SMARCAL1: variants seen among roughly 807,000 people sequenced by gnomAD.
SMARCAL1 encodes SNF2 related chromatin remodeling annealing helicase 1, also known as ATP-driven annealing helicase.
SMARCAL1 carries 58 observed loss-of-function variants against 94.5 expected under a neutral mutation model. The ratio of observed to expected loss-of-function variants is 0.61; its 90% CI spans 0.50 to 0.76. The LOEUF (loss-of-function observed/expected upper bound fraction) is 0.76. SMARCAL1 is among the 30% of genes least tolerant of loss of function. The pLI, the probability that SMARCAL1 is intolerant of heterozygous loss-of-function variation, is 0.00. For synonymous variants in SMARCAL1, 422 were observed against 455.1 expected (o/e 0.93, Z 0.93); for missense variants, 1,051 against 1,177.9 (o/e 0.89, Z 1.58).
chr2:216,474,702 G>C (rs1695034909), intron 14 of SMARCAL1, among the ~76,000 whole-genome samples: 1 of 152,006 alleles, frequency 6.6e-6, no homozygotes, highest in South Asian at 2.1e-4. Flanking sequence ...GTTGCCGTGA[G>C]CCAAGATCGT....
rs758387639 is a variant in SMARCAL1 at position 216,415,497 on chromosome 2, C to G, written c.793C>G (p.Leu265Val). Residue 265 changes from leucine to valine, a missense_variant, in exon 3 of 18, where the codon CTG becomes GTG. Physicochemically the swap from Leu to Val is conservative, Grantham distance 32. This residue lies in a region of SMARCAL1 where 398 missense variants were observed against 395.2 expected (regional missense o/e 1.01). Coordinates refer to ENST00000357276, the MANE Select transcript of SMARCAL1 (RefSeq NM_014140.4). Reference protein sequence around the residue: ...NAELIAVFKTLPSKNYDPDTK... With the variant: ...NAELIAVFKTVPSKNYDPDTK... ...GGAACTCATTGCAGTGTTTAAGACC[C>G]TGCCCAGCAAGAATTATGGTAATGT... 6.2e-7 allele frequency: 1 copy of G among 1,613,198 alleles called. No homozygotes were observed. Among genetic ancestry groups the G allele is most frequent in the South Asian group, 1.1e-5 (1 of 91,018 alleles).
intron 7 of SMARCAL1, among the ~76,000 whole-genome samples, chr2:216,430,778 G>A (rs376591425): frequency 1.3e-5 from 2 of 152,226 alleles, no homozygotes; most frequent in African/African-American, 2.4e-5. Flanking sequence ...CTCAAAGGGC[G>A]TGGGGCTCTC....
intron 10 of SMARCAL1, 75 bp from the exon 11 acceptor site, chr2:216,446,943 C>A: frequency 6.3e-7 from 1 of 1,588,322 alleles, no homozygotes; most frequent in East Asian, 2.2e-5. Context: ...CAGCTCCTCC[C>A]TCACTGGGGC....
At position 216,420,385 on chromosome 2, in the gene SMARCAL1, G is replaced by A. The variant is rs1431549731; in HGVS notation, c.949G>A (p.Glu317Lys). 6 of 1,614,106 alleles carry A rather than the reference G, an allele frequency of 3.7e-6. No individual in the cohort carries two copies. The highest frequency in any genetic ancestry group is 1.1e-5 in the South Asian group (1 of 91,092). ...GSSESPSTSS[E>K]GQAGLPSAPS... ...CAGCGAGTCACCCTCCACCAGCAGT[G>A]AGGGACAGGCCGGCCTTCCATCAGC... The change falls in exon 5 of 18, where the codon GAG becomes AAG. Residue 317 changes from glutamate (E) to lysine (K), a missense_variant. Physicochemically the swap from Glu to Lys is moderately conservative, Grantham distance 56. Around this residue, in one of 3 missense-constraint regions of SMARCAL1, gnomAD observed 398 missense variants for 395.2 expected, o/e 1.01. Transcript: ENST00000357276.
intron 10 of SMARCAL1, among the ~76,000 whole-genome samples, chr2:216,438,991 G>T (rs1274718832): frequency 6.6e-6 from 1 of 152,160 alleles, no homozygotes; most frequent in Non-Finnish European, 1.5e-5. Context: ...CTGAGCAAGG[G>T]CTGGCGGGGT....
At chr2:216,426,257 C>A (rs1693831938) in intron 6 of SMARCAL1, among the ~76,000 whole-genome samples, 1 of 152,208 alleles carries the variant, frequency 6.6e-6, no homozygotes, top group Admixed American at 6.5e-5. Context: ...GCTATAAAGT[C>A]TTTGACTTTT....
At position 216,450,968 on chromosome 2, in the gene SMARCAL1, G is replaced by T. The variant is rs1694437827; in HGVS notation, c.1974G>T (p.Gln658His). ...SDVLSQLPAKQRKIVVIAPGR... is the reference protein window; with the variant it reads ...SDVLSQLPAKHRKIVVIAPGR... ...TCCTTTCCCAGCTGCCTGCCAAGCA[G>T]CGCAAGATAGTGGTGATTGCCCCAG... The change falls in exon 12 of 18, where the codon CAG becomes CAT. Residue 658 changes from glutamine (Q) to histidine (H), a missense_variant. By Grantham distance (24) the Gln-to-His change is conservative. Around this residue, in one of 3 missense-constraint regions of SMARCAL1, gnomAD observed 642 missense variants for 754.7 expected, o/e 0.85. Coordinates refer to ENST00000357276, the MANE Select transcript of SMARCAL1 (RefSeq NM_014140.4). 1 of 1,614,136 alleles carries T rather than the reference G, an allele frequency of 6.2e-7. No homozygotes were observed. Among genetic ancestry groups the T allele is most frequent in the Non-Finnish European group, 8.5e-7 (1 of 1,180,046 alleles).
At chr2:216,472,613 A>C (rs544213675) in intron 14 of SMARCAL1, among the ~76,000 whole-genome samples, 1 of 152,106 alleles carries the variant, frequency 6.6e-6, no homozygotes, top group South Asian at 2.1e-4. Flanking sequence ...CCTCTGTGAC[A>C]TACAAATAAT....
intron 12 of SMARCAL1, among the ~76,000 whole-genome samples, chr2:216,463,914 T>A (rs1347441496): frequency 1.3e-5 from 2 of 152,142 alleles, no homozygotes; most frequent in Non-Finnish European, 2.9e-5. Context: ...TGGTGGCACA[T>A]GCCTGTAAGT....
At chr2:216,470,327 A>T (rs1367542987) in intron 14 of SMARCAL1, among the ~76,000 whole-genome samples, 1 of 151,236 alleles carries the variant, frequency 6.6e-6, no homozygotes, top group Non-Finnish European at 1.5e-5. Flanking sequence ...ATTTTTTTGC[A>T]TTTTTTTAGT....
chr2:216,436,405 T>C (rs768161296), intron 9 of SMARCAL1, among the ~76,000 whole-genome samples: 2 of 152,228 alleles, frequency 1.3e-5, no homozygotes, highest in Non-Finnish European at 2.9e-5. Context: ...TACCCAGCCA[T>C]CTCTGTCAGT....
chr2:216,423,612 A>G (rs1693770956), intron 5 of SMARCAL1, 21 bp from the exon 6 acceptor site: 4 of 1,609,508 alleles, frequency 2.5e-6, no homozygotes, highest in South Asian at 1.1e-5. Context: ...CTATTTGCTT[A>G]TTTATTTCTT....
At chr2:216,430,951 G>A (rs1219807835) in intron 7 of SMARCAL1, among the ~76,000 whole-genome samples, 2 of 152,262 alleles carry the variant, frequency 1.3e-5, no homozygotes, top group Non-Finnish European at 2.9e-5. Context: ...AGAGGTGGGT[G>A]TACAGGGAGG....
chr2:216,453,116 T>G (rs1054711411), intron 12 of SMARCAL1, among the ~76,000 whole-genome samples: 1 of 152,228 alleles, frequency 6.6e-6, no homozygotes, highest in Non-Finnish European at 1.5e-5. Flanking sequence ...CACCACAGTG[T>G]TAACTCCATT....
chr2:216,443,645 C>G (rs1398189314), intron 10 of SMARCAL1, among the ~76,000 whole-genome samples: 1 of 152,136 alleles, frequency 6.6e-6, no homozygotes, highest in Non-Finnish European at 1.5e-5. Context: ...GTGACTGGAA[C>G]TTTGTTTTTT....
rs551312692 is a variant in SMARCAL1 at position 216,456,535 on chromosome 2, A to G, written c.2070+5471A>G. Among the ~76,000 whole-genome samples, 957 of 115,488 alleles carry G rather than the reference A, an allele frequency of 8.3e-3. 8 individuals are homozygous for G. Among genetic ancestry groups the G allele is most frequent in the Non-Finnish European group, 0.011 (658 of 57,236 alleles). The allele number at this position is 115,488 out of a possible 152,430, so 75.8% of individuals were successfully genotyped here. A position where few individuals can be genotyped will look rare whatever the true frequency, so the allele number is the denominator to read the frequency against. ...TACAAGCCAGAAGAGAGTGGGGGCC[A>G]ATATTCAACATTCTTAAGAAAAGAA... On this transcript the variant is annotated intron_variant, in intron 12 of 17. Transcript: ENST00000357276.
intron 9 of SMARCAL1, 64 bp downstream of exon 9, chr2:216,435,560 T>C (rs1694063672): frequency 7.0e-7 from 1 of 1,431,226 alleles, no homozygotes; most frequent in East Asian, 2.3e-5. Context: ...GTAAAAGCTC[T>C]GAGAACTTTC....
intron 5 of SMARCAL1, among the ~76,000 whole-genome samples, chr2:216,421,720 T>G (rs934720266): frequency 3.3e-5 from 5 of 152,182 alleles, no homozygotes; most frequent in African/African-American, 9.7e-5. Context: ...ACGATGTAGT[T>G]TTTATGGATC....
chr2:216,454,901 G>A (rs934861036), intron 12 of SMARCAL1, among the ~76,000 whole-genome samples: 50 of 152,230 alleles, frequency 3.3e-4, no homozygotes, highest in African/African-American at 1.1e-3. Context: ...GCAGGGCGAG[G>A]CATCGCCTCA....
Sources: gnomAD v4.1 joint callset for allele counts (sites outside exome capture counted in the v4.1 genomes callset) on GRCh38, gnomAD v4.1.1 for gene constraint, gnomAD v4.1.1 regional missense constraint, MANE v1.5 for transcripts, NCBI Gene and HGNC (gene_info 2026-07-23, HGNC 2026-07-21) for gene names.